The following NOX4 variants were observed in gnomAD, a reference collection of about 807,000 sequenced individuals.
NOX4 encodes kidney oxidase-1.
A neutral mutation model predicts 87.6 loss-of-function variants in NOX4; 69 were observed. That is an observed-to-expected ratio of 0.79 (90% CI 0.65 to 0.96). The LOEUF (loss-of-function observed/expected upper bound fraction) is 0.96. Among genes scored for constraint, NOX4 ranks in the 40% least tolerant of loss-of-function variants. The pLI, the probability that NOX4 is intolerant of heterozygous loss-of-function variation, is 0.00. For missense variants in NOX4, 680 were observed against 681.5 expected (o/e 1.00, Z 0.02); for synonymous variants, 275 against 238.2 (o/e 1.15, Z -1.42).
chr11:89,471,299 C>T (rs1379901834), intron 2 of NOX4, among the ~76,000 whole-genome samples: 1 of 152,032 alleles, frequency 6.6e-6, no homozygotes, highest in East Asian at 1.9e-4. Flanking sequence ...CCTTTGAGGA[C>T]CTCAAAAATG....
rs368796567 is a variant in NOX4, at chr11:89,421,895, A to G, written c.629+7T>C. 3.4e-5 allele frequency: 52 copies of G among 1,549,754 alleles called. No homozygotes were observed. In the African/African-American group the frequency reaches 6.7e-4, roughly 20 times the overall value. On this transcript the variant is annotated splice_region_variant and intron_variant, in intron 8 of 17. Coordinates refer to ENST00000263317, the MANE Select transcript of NOX4 (RefSeq NM_016931.5). ...ATGGTTTTAAATACATACATTTGTA[A>G]ACTTACCCTGAAACATGCAACGTCA...
At chr11:89,367,046 T>C (rs539999818) in intron 12 of NOX4, among the ~76,000 whole-genome samples, 1 of 152,134 alleles carries the variant, frequency 6.6e-6, no homozygotes, top group East Asian at 1.9e-4. Context: ...CTGTAGAATT[T>C]ATGCCCAGTT....
intron 2 of NOX4, among the ~76,000 whole-genome samples, chr11:89,479,845 T>C (rs576071151): frequency 1.3e-4 from 20 of 152,290 alleles, no homozygotes; most frequent in African/African-American, 4.3e-4. Context: ...TATCACAAAC[T>C]TGCTTTAGGA....
intron 13 of NOX4, among the ~76,000 whole-genome samples, chr11:89,351,274 G>A (rs909634477): frequency 9.2e-5 from 14 of 152,180 alleles, no homozygotes; most frequent in African/African-American, 3.4e-4. Flanking sequence ...TGACAGAGAT[G>A]TGGAAGCTGC....
chr11:89,490,607 CTGA>C, intron 1 of NOX4, 54 bp from the exon 2 acceptor site: 1 of 1,271,318 alleles, frequency 7.9e-7, no homozygotes, highest in Non-Finnish European at 1.1e-6. Context: ...TAATTATTAC[CTGA>C]TGAATAGAAA....
chr11:89,564,572 G>C, the NOX4 span, among the ~76,000 whole-genome samples: 5 of 152,078 alleles, frequency 3.3e-5, no homozygotes, highest in Non-Finnish European at 7.4e-5. Flanking sequence ...GAATCTAAGA[G>C]TAGTGACAAA....
chr11:89,484,771 A>G (rs1368682805), intron 2 of NOX4, among the ~76,000 whole-genome samples: 1 of 152,178 alleles, frequency 6.6e-6, no homozygotes, highest in Admixed American at 6.6e-5. Flanking sequence ...TCACCCATCA[A>G]TAAACAAGAA....
chr11:89,529,544 A>G, the NOX4 span, among the ~76,000 whole-genome samples: 1 of 152,242 alleles, frequency 6.6e-6, no homozygotes, highest in African/African-American at 2.4e-5. Context: ...GTTACTTGTT[A>G]AAAAGACATA....
At chr11:89,371,823 C>T (rs1326693305) in intron 12 of NOX4, among the ~76,000 whole-genome samples, 2 of 151,804 alleles carry the variant, frequency 1.3e-5, no homozygotes, top group African/African-American at 2.4e-5. Flanking sequence ...TCCATGTAAG[C>T]CTGGTTTTTC....
chr11:89,465,059 A>T (rs1171143195), intron 2 of NOX4, among the ~76,000 whole-genome samples: 1 of 152,154 alleles, frequency 6.6e-6, no homozygotes, highest in East Asian at 1.9e-4. Flanking sequence ...TTACATAGGT[A>T]TACACGTACC....
At position 89,491,270 on chromosome 11, in the gene NOX4, C is replaced by A. The variant is rs1240726864; in HGVS notation, c.-24G>T. 1 of 1,609,998 alleles carries A rather than the reference C, an allele frequency of 6.2e-7. No individual in the cohort carries two copies. The highest frequency in any genetic ancestry group is 8.5e-7 in the Non-Finnish European group (1 of 1,178,108). ...ATGCCGCCGGCCCCGCCGCGCTGCG[C>A]TCTGTGCCCGCCGGACCGAGAAGGA... On this transcript the variant is annotated 5_prime_UTR_variant, in exon 1 of 18. Coordinates refer to ENST00000263317, the MANE Select transcript of NOX4 (RefSeq NM_016931.5).
intron 2 of NOX4, among the ~76,000 whole-genome samples, chr11:89,485,801 T>C (rs1391330767): frequency 6.6e-6 from 1 of 152,186 alleles, no homozygotes; most frequent in Non-Finnish European, 1.5e-5. Context: ...TTTGCTTGTT[T>C]CGGTGTTCAT....
At chr11:89,570,344 T>G in the NOX4 span, among the ~76,000 whole-genome samples, 2 of 152,146 alleles carry the variant, frequency 1.3e-5, no homozygotes, top group Admixed American at 1.3e-4. Context: ...AGGGCCTACT[T>G]GAGGGTGGAG....
the NOX4 span, among the ~76,000 whole-genome samples, chr11:89,527,193 G>A: frequency 6.6e-6 from 1 of 152,130 alleles, no homozygotes; most frequent in African/African-American, 2.4e-5. Context: ...CTTCTAAGCA[G>A]CAAAACATTC....
intron 8 of NOX4, among the ~76,000 whole-genome samples, chr11:89,411,702 ACCC>A (rs1942486382): frequency 1.3e-5 from 2 of 152,088 alleles, no homozygotes; most frequent in Admixed American, 1.3e-4. Context: ...TTAAAACATA[ACCC>A]CAGAGAAAAT....
At chr11:89,350,659 C>A (rs867197777) in intron 13 of NOX4, among the ~76,000 whole-genome samples, 56 of 152,252 alleles carry the variant, frequency 3.7e-4, no homozygotes, top group Admixed American at 2.3e-3. Context: ...GAAAAAATAT[C>A]AATGTAGATA....
upstream of NOX4, among the ~76,000 whole-genome samples, chr11:89,493,749 T>C (rs566203562): frequency 9.0e-4 from 134 of 148,234 alleles, no homozygotes; most frequent in African/African-American, 3.2e-3. Flanking sequence ...ATTATTATTA[T>C]TATTATTATT....
At chr11:89,480,251 G>T (rs1946337282) in intron 2 of NOX4, among the ~76,000 whole-genome samples, 1 of 151,760 alleles carries the variant, frequency 6.6e-6, no homozygotes, top group South Asian at 2.1e-4. Context: ...CATTTTTTTT[G>T]GCATGAAGAC....
intron 14 of NOX4, among the ~76,000 whole-genome samples, chr11:89,340,971 C>CA (rs1389821015): frequency 9.3e-5 from 14 of 150,706 alleles, no homozygotes; most frequent in African/African-American, 2.4e-4. Flanking sequence ...TTTGGTTCTG[C>CA]AAAAAAAATA....
Sources: allele counts gnomAD v4.1 joint callset (sites outside exome capture counted in the v4.1 genomes callset), GRCh38; gene constraint gnomAD v4.1.1; transcripts MANE v1.5; gene names NCBI Gene and HGNC (gene_info 2026-07-23, HGNC 2026-07-21).